The following IRAG2 variants were observed in gnomAD, a reference collection of about 807,000 sequenced individuals.
The protein encoded by IRAG2 is lymphoid restricted membrane protein.
Under a neutral mutation model 69.9 loss-of-function variants are expected in IRAG2, and 45 were observed. The ratio of observed to expected loss-of-function variants is 0.64; its 90% confidence interval spans 0.51 to 0.83. IRAG2 has a LOEUF of 0.83. Ranked by LOEUF, IRAG2 falls within the 40% of genes least tolerant of loss-of-function variation. The probability of loss-of-function intolerance (pLI) is 0.00; values close to 1 mark genes in which losing one functional copy is unlikely to be tolerated. For synonymous variants in IRAG2, 193 were observed against 202.4 expected, an observed-to-expected ratio of 0.95 and a Z score of 0.40; for missense variants, 520 against 587.0, an observed-to-expected ratio of 0.89 and a Z score of 1.18.
chr12:25,100,589 T>C (rs1948697096), intron 15 of IRAG2, among the ~76,000 whole-genome samples: 1 of 152,176 alleles, frequency 6.6e-6, no homozygotes, highest in Non-Finnish European at 1.5e-5. Context: ...TGCCAGTGTT[T>C]GGAGGCTGGA....
At chr12:25,103,777 T>C (rs2140252287) in intron 17 of IRAG2, 60 bp from the exon 18 acceptor site, 1 of 1,170,686 alleles carries the variant, frequency 8.5e-7, no homozygotes, top group South Asian at 1.2e-5. Flanking sequence ...TTTATTGGTG[T>C]TGCATATAAT....
At chr12:25,070,342 G>T (rs574087522) in intron 6 of IRAG2, among the ~76,000 whole-genome samples, 1 of 152,206 alleles carries the variant, frequency 6.6e-6, no homozygotes, top group African/African-American at 2.4e-5. Context: ...GCCTATTCTG[G>T]ACATCTCATA....
At chr12:25,009,528 T>C (rs1944458280) in intron 2 of IRAG2, among the ~76,000 whole-genome samples, 1 of 152,218 alleles carries the variant, frequency 6.6e-6, no homozygotes, top group South Asian at 2.1e-4. Context: ...GCCAGGGCTC[T>C]CTGGTGGGAA....
At chr12:25,055,970 A>G (rs1302992850) in intron 1 of IRAG2, among the ~76,000 whole-genome samples, 6 of 152,190 alleles carry the variant, frequency 3.9e-5, no homozygotes, top group Admixed American at 3.9e-4. Context: ...AGACAATGAG[A>G]GAATTACCTT....
intron 8 of IRAG2, among the ~76,000 whole-genome samples, chr12:25,024,742 A>G (rs766831739): frequency 3.3e-5 from 5 of 152,216 alleles, no homozygotes; most frequent in African/African-American, 9.6e-5. Context: ...AAGAAAGCCT[A>G]TATTAGATTC....
intron 5 of IRAG2, among the ~76,000 whole-genome samples, chr12:25,068,523 C>T (rs1946131084): frequency 6.6e-6 from 1 of 152,140 alleles, no homozygotes. Flanking sequence ...GCCCCCTCCC[C>T]TCCCAGGAGC....
chr12:25,001,945 A>C (rs1198388214), upstream of IRAG2, among the ~76,000 whole-genome samples: 1 of 151,770 alleles, frequency 6.6e-6, no homozygotes, highest in Non-Finnish European at 1.5e-5. Context: ...TAATTTTTGT[A>C]TTTTTAGTAG....
intron 8 of IRAG2, among the ~76,000 whole-genome samples, chr12:25,024,684 T>C (rs1455022642): frequency 6.6e-6 from 1 of 152,188 alleles, no homozygotes; most frequent in Non-Finnish European, 1.5e-5. Flanking sequence ...GCCAAGTGGG[T>C]ATTTTAAAAT....
chr12:25,041,403 A>T (rs1183537268), intron 16 of IRAG2, among the ~76,000 whole-genome samples: 1 of 152,056 alleles, frequency 6.6e-6, no homozygotes, highest in Non-Finnish European at 1.5e-5. Context: ...TTGTGTTTTG[A>T]AAGATCTGCT....
chr12:25,093,754 G>T, intron 14 of IRAG2: 1 of 155,580 alleles, frequency 6.4e-6, no homozygotes, highest in South Asian at 1.8e-4. Context: ...TTCTTGAGAC[G>T]GCAGAATTAT....
chr12:25,062,133 C>T (rs931530617), intron 2 of IRAG2, among the ~76,000 whole-genome samples: 2 of 152,132 alleles, frequency 1.3e-5, no homozygotes, highest in African/African-American at 4.8e-5. Context: ...ATTTCCTTCC[C>T]TTGTGATACT....
At chr12:25,063,680 A>T in intron 3 of IRAG2, 40 bp from the exon 4 acceptor site, 1 of 397,198 alleles carries the variant, frequency 2.5e-6, no homozygotes, top group Non-Finnish European at 4.4e-6. Flanking sequence ...TATATGTTAC[A>T]TTCCTTTAGA....
intron 9 of IRAG2, among the ~76,000 whole-genome samples, chr12:25,081,427 G>A (rs1296534094): frequency 6.6e-6 from 1 of 152,216 alleles, no homozygotes; most frequent in African/African-American, 2.4e-5. Context: ...TTGCACCACT[G>A]CACTCCAGCC....
intron 14 of IRAG2, among the ~76,000 whole-genome samples, chr12:25,092,508 T>C (rs1284151078): frequency 7.1e-6 from 1 of 141,640 alleles, no homozygotes; most frequent in Non-Finnish European, 1.5e-5. Context: ...GAGGGAGCAG[T>C]GAGGCGAAAT....
chr12:25,105,226 G>A (rs868801930), intron 20 of IRAG2, among the ~76,000 whole-genome samples: 14 of 151,956 alleles, frequency 9.2e-5, no homozygotes, highest in Admixed American at 2.6e-4. Flanking sequence ...ACAGGCGCCC[G>A]CCACCACGCC....
chr12:25,035,030 C>G (rs1944692870), intron 13 of IRAG2, among the ~76,000 whole-genome samples: 1 of 152,100 alleles, frequency 6.6e-6, no homozygotes, highest in African/African-American at 2.4e-5. Context: ...AGATGCCAGC[C>G]CAGAAAGTTC....
intron 10 of IRAG2, among the ~76,000 whole-genome samples, chr12:25,086,150 G>T (rs1215737023): frequency 1.3e-5 from 2 of 152,170 alleles, no homozygotes; most frequent in Non-Finnish European, 2.9e-5. Context: ...GAAGTTGTGG[G>T]ACTGGTTAGG....
At chr12:25,053,804 A>G (rs921106840) in intron 1 of IRAG2, among the ~76,000 whole-genome samples, 1 of 150,698 alleles carries the variant, frequency 6.6e-6, no homozygotes, top group Admixed American at 6.6e-5. Context: ...AAATAATTAT[A>G]TATTTAATAT....
chr12:25,039,417 C>T (rs1215342532), intron 16 of IRAG2, among the ~76,000 whole-genome samples: 1 of 152,180 alleles, frequency 6.6e-6, no homozygotes, highest in Non-Finnish European at 1.5e-5. Flanking sequence ...ACCGTCTCCA[C>T]AAAAGGCAGC....
Sources: allele counts gnomAD v4.1 joint callset (sites outside exome capture counted in the v4.1 genomes callset), GRCh38; gene constraint gnomAD v4.1.1; transcripts MANE v1.5; gene names NCBI Gene and HGNC (gene_info 2026-07-23, HGNC 2026-07-21).